The following SYNJ2 variants were observed in gnomAD, a reference collection of about 807,000 sequenced individuals.
The protein encoded by SYNJ2 is polyphosphatidylinositol phosphatase SYNJ2.
SYNJ2 carries 116 observed loss-of-function variants against 141.3 expected under a neutral mutation model. The ratio of observed to expected loss-of-function variants is 0.82; its 90% CI spans 0.71 to 0.96. The LOEUF (loss-of-function observed/expected upper bound fraction) is 0.96. Among genes scored for constraint, SYNJ2 ranks in the 40% least tolerant of loss-of-function variants. The pLI is 0.00. For synonymous variants in SYNJ2, 745 were observed against 777.7 expected (o/e 0.96, Z 0.70); for missense variants, 1,873 against 1,934.8 (o/e 0.97, Z 0.60).
intron 1 of SYNJ2, among the ~76,000 whole-genome samples, chr6:157,993,496 T>A (rs1410381547): frequency 6.6e-6 from 1 of 152,126 alleles, no homozygotes; most frequent in East Asian, 1.9e-4. Flanking sequence ...TCTCTTCACT[T>A]TGTTGATTGT....
chr6:158,086,953 C>G lies in SYNJ2; in HGVS notation c.3307C>G (p.Arg1103Gly). The G allele has an allele frequency of 1.9e-6, 3 of 1,603,566 alleles. No individual in the cohort carries two copies. The highest frequency in any genetic ancestry group is 2.5e-6 in the Non-Finnish European group (3 of 1,178,430). ...SRSLSVPNRP[R>G]PPQPPQRPPP... The stretch of plus-strand genomic sequence containing the variant: ...GTCTCTGTCGGTCCCCAACCGGCCT[C>G]GGCCACCTCAACCCCCGCAGAGACC... Residue 1103 changes from arginine to glycine, a missense_variant, in exon 23 of 27, where the codon CGG becomes GGG. By Grantham distance (125) the Arg-to-Gly change is moderately radical. Coordinates refer to ENST00000355585, the MANE Select transcript of SYNJ2 (RefSeq NM_003898.4).
rs757646015 is a variant in SYNJ2, at chr6:158,066,707, G to GT, written c.1717+73dup. 19 of 1,363,924 alleles carry GT rather than the reference G, an allele frequency of 1.4e-5. 1 individual carries two copies. In the South Asian group the frequency reaches 2.3e-4, roughly 17 times the overall value. The allele number at this position is 1,363,924 out of a possible 1,614,324, so 84.5% of individuals were successfully genotyped here. On this transcript the variant is annotated intron_variant, in intron 12 of 26. Transcript: ENST00000355585. Reference sequence around the variant, plus strand: ...CTGACATGTCACGCTTGACCCTTTAGTGGCCATCGTCTTGTGGAATTTCAT... The same window carrying GT: ...CTGACATGTCACGCTTGACCCTTTAGTTGGCCATCGTCTTGTGGAATTTCAT...
intron 11 of SYNJ2, among the ~76,000 whole-genome samples, chr6:158,065,704 C>G (rs547478807): frequency 5.9e-5 from 9 of 152,178 alleles, no homozygotes; most frequent in Non-Finnish European, 2.9e-5. Flanking sequence ...GTCACCGTCA[C>G]TGGGGGAGCT....
intron 4 of SYNJ2, among the ~76,000 whole-genome samples, chr6:158,037,490 C>T (rs540077560): frequency 1.3e-5 from 2 of 151,378 alleles, no homozygotes; most frequent in African/African-American, 2.4e-5. Flanking sequence ...CAAGCTCTGC[C>T]TCCCGGGTTC....
chr6:158,081,159 C>T lies in SYNJ2; in HGVS notation c.2618C>T (p.Ala873Val). 1 of 1,614,004 alleles carries T rather than the reference C, an allele frequency of 6.2e-7. No homozygotes were observed. Among genetic ancestry groups the T allele is most frequent in the Non-Finnish European group, 8.5e-7 (1 of 1,179,928 alleles). Reference protein sequence around the residue: ...EVEVQEVDVGARERVFQEVSS... With the variant: ...EVEVQEVDVGVRERVFQEVSS... Reference sequence around the variant, plus strand: ...GAAGTTCAGGAAGTCGATGTGGGTGCTCGGGAGAGGGTTTTCCAGGAAGTG... The same window carrying T: ...GAAGTTCAGGAAGTCGATGTGGGTGTTCGGGAGAGGGTTTTCCAGGAAGTG... Residue 873 changes from alanine to valine, a missense_variant, in exon 19 of 27, where the codon GCT becomes GTT. By Grantham distance (64) the Ala-to-Val change is moderately conservative. Transcript: ENST00000355585.
At position 158,043,407 on chromosome 6, in the gene SYNJ2, A is replaced by G. The variant is rs1304839136; in HGVS notation, c.795+8A>G. On this transcript the variant is annotated splice_region_variant and intron_variant, in intron 5 of 26. Transcript: ENST00000355585. This position sits in a 1 kb window ranked among gnomAD's most constrained non-coding sequence, Gnocchi z 4.0. ...GAACAGCCAGGGCTTCAGGTAGGTC[A>G]TGAAAAAACTTAAATGTCCCCTTGT... 1.3e-5 allele frequency: 21 copies of G among 1,612,122 alleles called. No homozygotes were observed. The highest frequency in any genetic ancestry group is 1.7e-5 in the Admixed American group (1 of 59,968).
chr6:158,058,100 T>TA (rs1780980525), intron 6 of SYNJ2, among the ~76,000 whole-genome samples: 1 of 152,200 alleles, frequency 6.6e-6, no homozygotes, highest in South Asian at 2.1e-4. Flanking sequence ...ATTAGCTCTT[T>TA]AAAAAATTCC....
chr6:157,994,112 A>T (rs1488588249), intron 1 of SYNJ2, among the ~76,000 whole-genome samples: 2 of 151,702 alleles, frequency 1.3e-5, no homozygotes, highest in Non-Finnish European at 2.9e-5. Flanking sequence ...GAGCCACCAC[A>T]CCCAGCCAGT....
At chr6:157,998,044 A>G (rs969335852) in intron 1 of SYNJ2, among the ~76,000 whole-genome samples, 18 of 152,232 alleles carry the variant, frequency 1.2e-4, no homozygotes, top group African/African-American at 4.3e-4. Context: ...ATTCAACTGG[A>G]TATTCACGCA....
chr6:158,033,287 C>T (rs1164086795), intron 3 of SYNJ2, among the ~76,000 whole-genome samples, 168 bp from the exon 4 acceptor site: 3 of 152,206 alleles, frequency 2.0e-5, no homozygotes, highest in Admixed American at 1.3e-4. Flanking sequence ...CATGAACTTC[C>T]CAGATCTGTA....
At chr6:158,079,390 T>G (rs1782531669) in intron 18 of SYNJ2, 1 of 151,784 alleles carries the variant, frequency 6.6e-6, no homozygotes, top group African/African-American at 2.4e-5. Flanking sequence ...AAACCTTTTT[T>G]TTTTTTTTTT....
At chr6:158,001,867 T>C (rs1777876509) in intron 1 of SYNJ2, among the ~76,000 whole-genome samples, 1 of 152,104 alleles carries the variant, frequency 6.6e-6, no homozygotes. Context: ...TTTGCACCAT[T>C]ATACCAACAG....
chr6:158,005,538 C>A (rs539730754), intron 1 of SYNJ2, among the ~76,000 whole-genome samples: 32 of 152,032 alleles, frequency 2.1e-4, no homozygotes, highest in Admixed American at 2.0e-3. Context: ...TCCTCCCCAC[C>A]TGGTGAAACC....
At chr6:158,076,375 T>C (rs888835850) in intron 16 of SYNJ2, among the ~76,000 whole-genome samples, 1 of 151,962 alleles carries the variant, frequency 6.6e-6, no homozygotes, top group Non-Finnish European at 1.5e-5. Context: ...AAGAAGACAG[T>C]GGATAGATCA....
At position 158,096,201 on chromosome 6, in the gene SYNJ2, G is replaced by A. The variant is rs1282322734; in HGVS notation, c.4328G>A (p.Ser1443Asn). Residue 1443 changes from serine to asparagine, a missense_variant, in exon 27 of 27, where the codon AGC (serine) becomes AAC (asparagine). By Grantham distance (46) the Ser-to-Asn change is conservative (BLOSUM62 1). Transcript: ENST00000355585. ...GACCCTTTGGACTCAGGAACCAGGA[G>A]CCCCAAAAGAGATCCCATAGACCCA... is the stretch of plus-strand genomic sequence containing the variant. ...SSDPLDSGTRSPKRDPIDPVS... is the reference protein window; with the variant it reads ...SSDPLDSGTRNPKRDPIDPVS... 1.2e-6 allele frequency: 2 copies of A among 1,614,116 alleles called. No individual in the cohort carries two copies. The highest frequency in any genetic ancestry group is 1.7e-6 in the Non-Finnish European group (2 of 1,180,054).
At chr6:158,031,668 C>T (rs760090875) in intron 3 of SYNJ2, among the ~76,000 whole-genome samples, 14 of 151,978 alleles carry the variant, frequency 9.2e-5, no homozygotes, top group East Asian at 1.9e-4. Flanking sequence ...CAACGCTCAG[C>T]GTGGCTGGCA....
In SYNJ2 at chr6:158,033,623, CCA is replaced by C. The variant is rs1308126104; in HGVS notation, c.658_659del (p.Thr220ProfsTer116). The C allele has an allele frequency of 6.2e-7, 1 of 1,613,566 alleles. No individual in the cohort carries two copies. The highest frequency in any genetic ancestry group is 8.5e-7 in the Non-Finnish European group (1 of 1,180,026). On this transcript the variant is annotated frameshift_variant, in exon 4 of 27. Transcript: ENST00000355585. LOFTEE classifies it high-confidence loss of function. ...VSCERTGTRF[H>X]TRGVNDDGHV... ...GCTGTGAGCGCACAGGCACTCGCTT[CCA>C]CACCCGTGGCGTGAACGACGACGGC... is the stretch of plus-strand genomic sequence containing the variant.
At chr6:158,073,030 A>T (rs544734650) in intron 15 of SYNJ2, among the ~76,000 whole-genome samples, 13 of 149,472 alleles carry the variant, frequency 8.7e-5, no homozygotes, top group African/African-American at 3.2e-4. Flanking sequence ...AGATCGCACC[A>T]CTACACTCCA....
chr6:157,982,183 C>T lies in SYNJ2; in HGVS notation c.127+95C>T. The T allele has an allele frequency of 4.0e-6, 5 of 1,238,924 alleles. No homozygotes were observed. The highest frequency in any genetic ancestry group is 4.3e-5 in the Admixed American group (1 of 23,420). 76.7% of individuals were successfully genotyped at this position (1,238,924 alleles called of 1,614,324 possible). On this transcript the variant is annotated intron_variant, in intron 1 of 26. Transcript: ENST00000355585. This position sits in a 1 kb window ranked among gnomAD's most constrained non-coding sequence, Gnocchi z 4.0. ...GGGTACCCCCCCTTCCCGAGGGGAT[C>T]GGGCGGCGCTGGGACTGCCGGGGCG...
Sources: allele counts gnomAD v4.1 joint callset (sites outside exome capture counted in the v4.1 genomes callset), GRCh38; gene constraint gnomAD v4.1.1; non-coding constraint Gnocchi (gnomAD v3.1); transcripts MANE v1.5; gene names NCBI Gene and HGNC (gene_info 2026-07-23, HGNC 2026-07-21).